The following ANKS1A variants were observed in gnomAD, a reference collection of about 807,000 sequenced individuals.
ANKS1A encodes ankyrin repeat and SAM domain-containing protein 1A.
ANKS1A carries 55 observed loss-of-function variants against 120.3 expected under a neutral mutation model. The observed-to-expected ratio is 0.46, with a 90% CI of 0.37 to 0.57. ANKS1A has a LOEUF of 0.57. ANKS1A is among the 20% of genes least tolerant of loss of function. The pLI is 0.00. For missense variants in ANKS1A, 1,123 were observed against 1,480.3 expected (o/e 0.76, Z 3.96); for synonymous variants, 590 against 604.7 (o/e 0.98, Z 0.36).
chr6:35,096,376 T>C (rs1778471475), downstream of ANKS1A, among the ~76,000 whole-genome samples: 1 of 152,258 alleles, frequency 6.6e-6, no homozygotes, highest in Non-Finnish European at 1.5e-5. Context: ...TTGAGTGCTC[T>C]GGTTTCTACA....
intron 1 of ANKS1A, among the ~76,000 whole-genome samples, chr6:34,952,639 G>A (rs149268202): frequency 9.0e-4 from 137 of 151,676 alleles, no homozygotes; most frequent in African/African-American, 3.1e-3. Context: ...ATATGAGTCT[G>A]TACAAATTTT....
chr6:34,912,364 C>T (rs1243111731), intron 1 of ANKS1A, among the ~76,000 whole-genome samples: 1 of 152,160 alleles, frequency 6.6e-6, no homozygotes, highest in Non-Finnish European at 1.5e-5. Context: ...TGTTAAAAAA[C>T]CAAGTCTAGG....
intron 3 of ANKS1A, among the ~76,000 whole-genome samples, chr6:34,973,381 G>A (rs960919415): frequency 1.3e-5 from 2 of 152,250 alleles, no homozygotes; most frequent in African/African-American, 4.8e-5. Context: ...TGGGCCTGGT[G>A]ATGAACAGGC....
chr6:35,059,678 C>A (rs928904568), intron 12 of ANKS1A, among the ~76,000 whole-genome samples: 1 of 152,162 alleles, frequency 6.6e-6, no homozygotes, highest in Non-Finnish European at 1.5e-5. Flanking sequence ...CCCACAGGGG[C>A]TCCAGAAGTT....
At chr6:34,995,291 C>T (rs1409770515) in intron 10 of ANKS1A, among the ~76,000 whole-genome samples, 1 of 152,124 alleles carries the variant, frequency 6.6e-6, no homozygotes, top group African/African-American at 2.4e-5. Flanking sequence ...ATGCGTATGA[C>T]ATTGTAGACT....
chr6:34,935,800 C>G (rs575266506), intron 1 of ANKS1A, among the ~76,000 whole-genome samples: 1 of 151,700 alleles, frequency 6.6e-6, no homozygotes, highest in Non-Finnish European at 1.5e-5. Context: ...CGGTGGCTCA[C>G]GCCTGTAATC....
At chr6:35,009,786 C>T (rs900410544) in intron 10 of ANKS1A, 11 of 171,598 alleles carry the variant, frequency 6.4e-5, no homozygotes, top group South Asian at 4.8e-4. Context: ...GCCTATAATC[C>T]CAGTTACTTG....
chr6:34,927,451 A>T (rs1418145378), intron 1 of ANKS1A, among the ~76,000 whole-genome samples: 1 of 152,084 alleles, frequency 6.6e-6, no homozygotes, highest in East Asian at 1.9e-4. Flanking sequence ...ATTAGTTTTT[A>T]TACAGGGGCA....
intron 11 of ANKS1A, among the ~76,000 whole-genome samples, chr6:35,049,000 C>A (rs1775850083): frequency 6.6e-6 from 1 of 152,234 alleles, no homozygotes; most frequent in South Asian, 2.1e-4. Flanking sequence ...GAGAGCACTG[C>A]CCTCTGTGGG....
intron 13 of ANKS1A, among the ~76,000 whole-genome samples, chr6:35,065,156 G>A (rs1776705955): frequency 6.6e-6 from 1 of 152,116 alleles, no homozygotes; most frequent in Non-Finnish European, 1.5e-5. Flanking sequence ...TTTAGCAAGT[G>A]AGACAAGGGA....
intron 1 of ANKS1A, among the ~76,000 whole-genome samples, chr6:34,928,340 C>T (rs1359598338): frequency 6.6e-6 from 1 of 152,148 alleles, no homozygotes; most frequent in Non-Finnish European, 1.5e-5. Flanking sequence ...AGACTCGGAG[C>T]TTCATGCTCA....
chr6:35,003,312 G>A (rs748314282), intron 10 of ANKS1A, among the ~76,000 whole-genome samples: 2 of 152,236 alleles, frequency 1.3e-5, no homozygotes, highest in East Asian at 1.9e-4. Flanking sequence ...TGATAAAACC[G>A]GTCAAGCCTT....
chr6:35,060,993 C>G lies in ANKS1A; in HGVS notation c.2184+740C>G, dbSNP rs1032486215. On this transcript the variant is annotated intron_variant, in intron 13 of 23. Transcript: ENST00000360359. This position sits in a 1 kb window ranked among gnomAD's most constrained non-coding sequence, Gnocchi z 4.5. Reference sequence around the variant, plus strand: ...GCATCTGCATGCGCCGGGCCTGCTTCCAGGAGCAGGCATTTGAGCCAAAGT... The same window carrying G: ...GCATCTGCATGCGCCGGGCCTGCTTGCAGGAGCAGGCATTTGAGCCAAAGT... 7.9e-5 allele frequency among the ~76,000 whole-genome samples: 12 copies of G among 152,210 alleles called. No individual in the cohort carries two copies. Among genetic ancestry groups the G allele is most frequent in the African/African-American group, 2.7e-4 (11 of 41,456 alleles).
At chr6:35,046,338 A>G (rs1432792648) in intron 11 of ANKS1A, among the ~76,000 whole-genome samples, 1 of 152,110 alleles carries the variant, frequency 6.6e-6, no homozygotes. Flanking sequence ...ACTTTCCCAC[A>G]TTCCTTTCTC....
chr6:35,008,435 C>T lies in ANKS1A; in HGVS notation c.1424-9038C>T, dbSNP rs143934049. Among the ~76,000 whole-genome samples the T allele has an allele frequency of 3.3e-5, 5 of 152,316 alleles. No individual in the cohort carries two copies. In the East Asian group the frequency reaches 9.7e-4, roughly 29 times the overall value. ...CTGTATTGTCCAGGCTAGTCTCAAGCTCCTGGCCTCAAGCAATCCCACCTC... is the reference window on the plus strand; with the variant it reads ...CTGTATTGTCCAGGCTAGTCTCAAGTTCCTGGCCTCAAGCAATCCCACCTC... On this transcript the variant is annotated intron_variant, in intron 10 of 23. Coordinates refer to ENST00000360359, the MANE Select transcript of ANKS1A (RefSeq NM_015245.3).
chr6:34,996,768 G>A (rs1445385755), intron 10 of ANKS1A, among the ~76,000 whole-genome samples: 1 of 152,174 alleles, frequency 6.6e-6, no homozygotes, highest in Non-Finnish European at 1.5e-5. Flanking sequence ...ACCATGCCTG[G>A]CCACCAATCT....
At chr6:35,043,949 C>G (rs913880973) in intron 11 of ANKS1A, among the ~76,000 whole-genome samples, 1 of 152,208 alleles carries the variant, frequency 6.6e-6, no homozygotes, top group Non-Finnish European at 1.5e-5. Flanking sequence ...ACCCTTAATT[C>G]AAGAGCACAT....
intron 10 of ANKS1A, among the ~76,000 whole-genome samples, chr6:35,010,430 G>T (rs1773701062): frequency 6.6e-6 from 1 of 152,184 alleles, no homozygotes; most frequent in African/African-American, 2.4e-5. Flanking sequence ...GCATCAGCAT[G>T]GGAAGGAAGA....
intron 1 of ANKS1A, among the ~76,000 whole-genome samples, chr6:34,962,025 A>AT: frequency 6.6e-6 from 1 of 152,186 alleles, no homozygotes; most frequent in Admixed American, 6.5e-5. Flanking sequence ...TAATGATGAT[A>AT]TTTTCTCTTG....
Sources: allele counts gnomAD v4.1 joint callset (sites outside exome capture counted in the v4.1 genomes callset), GRCh38; gene constraint gnomAD v4.1.1; non-coding constraint Gnocchi (gnomAD v3.1); transcripts MANE v1.5; gene names NCBI Gene and HGNC (gene_info 2026-07-23, HGNC 2026-07-21).